The following OVCH2 variants were observed in gnomAD, a reference collection of about 807,000 sequenced individuals.
OVCH2 encodes ovochymase-2.
In OVCH2, 88 loss-of-function variants were observed where a neutral mutation model predicts 73.7. The ratio of observed to expected loss-of-function variants is 1.19; its 90% confidence interval spans 1.01 to 1.43. The LOEUF is 1.43. OVCH2 is among the 40% of genes most tolerant of loss of function. The pLI, the probability that OVCH2 is intolerant of heterozygous loss-of-function variation, is 0.00. For missense variants in OVCH2, 706 were observed against 674.5 expected, an observed-to-expected ratio of 1.05 and a Z score of -0.52; for synonymous variants, 265 against 234.5, an observed-to-expected ratio of 1.13 and a Z score of -1.19.
chr11:7,689,744 A>T (rs1856183875), intron 15 of OVCH2, 142 bp from the exon 16 acceptor site: 1 of 680,172 alleles, frequency 1.5e-6, no homozygotes. Flanking sequence ...TAATAACCTC[A>T]TTTTAACTGA....
chr11:7,704,670 G>A lies in OVCH2; in HGVS notation c.93C>T (p.Pro31=). 1.9e-6 allele frequency: 3 copies of A among 1,605,678 alleles called. No individual in the cohort carries two copies. The highest frequency in any genetic ancestry group is 2.6e-6 in the Non-Finnish European group (3 of 1,174,896). The change falls in exon 2 of 16, where the codon CCC becomes CCT. Residue 31 remains proline, a synonymous_variant. Coordinates refer to ENST00000533663, the MANE Select transcript of OVCH2 (RefSeq NM_198185.7). ...KSATLSLPKA[P]SCGQSLVKVQ... Reference sequence around the variant, plus strand: ...CCTTAACCAGACTCTGCCCACAACTGGGAGCTGAGAAAAAAACGAGACAAA... The same window carrying A: ...CCTTAACCAGACTCTGCCCACAACTAGGAGCTGAGAAAAAAACGAGACAAA...
At chr11:7,681,744 C>A in the OVCH2 span, among the ~76,000 whole-genome samples, 1 of 150,188 alleles carries the variant, frequency 6.7e-6, no homozygotes, top group African/African-American at 2.5e-5. Context: ...GTAAGTGAGG[C>A]AGTTTCCAGT....
intron 15 of OVCH2, 38 bp from the exon 16 acceptor site, chr11:7,689,640 A>G (rs1388495070): frequency 2.0e-6 from 1 of 512,614 alleles, no homozygotes; most frequent in South Asian, 1.5e-5. Flanking sequence ...TGCCTTCATC[A>G]TTACACGATA....
chr11:7,690,101 T>C, intron 14 of OVCH2, 88 bp from the exon 15 acceptor site: 1 of 1,005,906 alleles, frequency 9.9e-7, no homozygotes, highest in Non-Finnish European at 1.5e-6. Flanking sequence ...GAAGCTATTG[T>C]TAGAATTCTG....
chr11:7,680,946 C>T, the OVCH2 span, among the ~76,000 whole-genome samples: 1 of 152,332 alleles, frequency 6.6e-6, no homozygotes, highest in East Asian at 1.9e-4. Flanking sequence ...CTGATGTTCT[C>T]ATTGCTTTGA....
intron 3 of OVCH2, 24 bp downstream of exon 3, chr11:7,703,674 A>C: frequency 6.4e-7 from 1 of 1,557,732 alleles, no homozygotes; most frequent in Non-Finnish European, 8.7e-7. Flanking sequence ...TGTGGTCTTC[A>C]CTCATGGGCT....
Position 7,698,745 on chromosome 11 carries a change from C to A in OVCH2, c.925+5G>T. The A allele has an allele frequency of 1.2e-6, 2 of 1,612,026 alleles. No individual in the cohort carries two copies. Among genetic ancestry groups the A allele is most frequent in the Non-Finnish European group, 1.7e-6 (2 of 1,179,148 alleles). On this transcript the variant is annotated splice_donor_5th_base_variant and intron_variant, in intron 8 of 15. Transcript: ENST00000533663. ...CTGATGGAGCAGCCTGCAAGGGATA[C>A]CCACCTCTGGAGCTCTTTCTCCGAT... is the stretch of plus-strand genomic sequence containing the variant.
rs1280591691 is a variant in OVCH2 at position 7,701,417 on chromosome 11, C to T, written c.618G>A (p.Glu206=). The change falls in exon 6 of 16, where the codon GAG becomes GAA. Residue 206 remains glutamate (E), a synonymous_variant. Transcript: ENST00000533663. ...TTAGTGTTAACAGAGCTGCCACACA[C>T]TCTTCCCAGGTCAAAATAGGCAGAT... ...EVNLPILTWE[E]CVAALLTLKR... is the part of the protein sequence containing the mutation. 2 of 1,612,658 alleles carry T rather than the reference C, an allele frequency of 1.2e-6. No individual in the cohort carries two copies. Among genetic ancestry groups the T allele is most frequent in the South Asian group, 1.1e-5 (1 of 90,650 alleles).
chr11:7,688,115 C>G (rs1048562923), downstream of OVCH2, among the ~76,000 whole-genome samples: 1 of 152,136 alleles, frequency 6.6e-6, no homozygotes, highest in Non-Finnish European at 1.5e-5. Context: ...CATGTCTGTC[C>G]TGGTTCTCCT....
chr11:7,692,115 T>G, intron 12 of OVCH2, 120 bp from the exon 13 acceptor site: 1 of 694,450 alleles, frequency 1.4e-6, no homozygotes, highest in South Asian at 1.8e-5. Context: ...ATAAGAAAGT[T>G]AATGGGGTAT....
At chr11:7,700,103 C>T in intron 7 of OVCH2, 193 bp downstream of exon 7, 1 of 576,370 alleles carries the variant, frequency 1.7e-6, no homozygotes, top group East Asian at 2.8e-5. Context: ...TGAATATCTG[C>T]ATGCTGCTCC....
chr11:7,702,624 C>G (rs535129080), intron 3 of OVCH2, among the ~76,000 whole-genome samples: 9 of 152,278 alleles, frequency 5.9e-5, no homozygotes, highest in African/African-American at 2.2e-4. Context: ...TAGTTCAGGG[C>G]TCTACAGCTA....
downstream of OVCH2, among the ~76,000 whole-genome samples, chr11:7,687,387 A>C (rs1468444737): frequency 1.3e-5 from 2 of 151,932 alleles, no homozygotes; most frequent in African/African-American, 4.8e-5. Context: ...TAAGGCTGAG[A>C]AATAAATTCT....
chr11:7,688,997 G>A (rs1856172648), downstream of OVCH2, among the ~76,000 whole-genome samples: 1 of 152,204 alleles, frequency 6.6e-6, no homozygotes, highest in African/African-American at 2.4e-5. Context: ...GTTGCTTTGA[G>A]CAAAAGGAAC....
At chr11:7,699,104 A>G in intron 7 of OVCH2, 1 of 208,346 alleles carries the variant, frequency 4.8e-6, no homozygotes, top group Admixed American at 5.7e-5. Flanking sequence ...TGGGTTAAAT[A>G]GGTCAAACTT....
rs1856531012 is a variant in OVCH2 at position 7,706,376 on chromosome 11, T to G, written c.19A>C (p.Lys7Gln). The change falls in exon 1 of 16, where the codon AAG becomes CAG. Residue 7 changes from lysine to glutamine, a missense_variant. Coordinates refer to ENST00000533663, the MANE Select transcript of OVCH2 (RefSeq NM_198185.7). ...ACTATTCCTAGTAGTAAAATCAGCT[T>G]GTTCCTGCTTATAAGCATTTTGAGA... MLISRN[K>Q]LILLLGIVFF... is the part of the protein sequence containing the mutation. 4 of 1,578,746 alleles carry G rather than the reference T, an allele frequency of 2.5e-6. No homozygotes were observed. The highest frequency in any genetic ancestry group is 3.4e-6 in the Non-Finnish European group (4 of 1,160,224).
chr11:7,686,273 T>C (rs1269584280), downstream of OVCH2, among the ~76,000 whole-genome samples: 1 of 152,232 alleles, frequency 6.6e-6, no homozygotes, highest in Non-Finnish European at 1.5e-5. Context: ...ATGGGTATGA[T>C]GATGACGATG....
intron 8 of OVCH2, 120 bp from the exon 9 acceptor site, chr11:7,696,919 C>T: frequency 1.1e-6 from 1 of 886,986 alleles, no homozygotes; most frequent in South Asian, 1.6e-5. Context: ...CTTCGTTCTT[C>T]ATGAAATCTT....
chr11:7,700,304 A>C lies in OVCH2; in HGVS notation c.893T>G (p.Ile298Ser). ...SKVLPWIHEH[I>S]QTGNRRKSSR... Reference sequence around the variant, plus strand: ...TGTGATGGCTTAGTTACCAGTTTGGATGTGTTCGTGGATCCAGGGAAGCAC... The same window carrying C: ...TGTGATGGCTTAGTTACCAGTTTGGCTGTGTTCGTGGATCCAGGGAAGCAC... The change falls in exon 7 of 16, where the codon ATC (isoleucine) becomes AGC (serine). Residue 298 changes from isoleucine (I) to serine (S), a missense_variant. Transcript: ENST00000533663. 6.2e-7 allele frequency: 1 copy of C among 1,613,640 alleles called. No homozygotes were observed. Among genetic ancestry groups the C allele is most frequent in the South Asian group, 1.1e-5 (1 of 91,016 alleles).
Sources: gnomAD v4.1 joint callset for allele counts (sites outside exome capture counted in the v4.1 genomes callset) on GRCh38, gnomAD v4.1.1 for gene constraint, MANE v1.5 for transcripts, NCBI Gene and HGNC (gene_info 2026-07-23, HGNC 2026-07-21) for gene names.